The following FECH variants were observed in gnomAD, a reference collection of about 807,000 sequenced individuals.
FECH encodes ferrochelatase, also known as ferrochelatase, mitochondrial.
In FECH, 40 loss-of-function variants were observed where a neutral mutation model predicts 56.9. The observed-to-expected ratio is 0.70, with a 90% confidence interval of 0.55 to 0.92. The LOEUF is 0.92. FECH is among the 40% of genes least tolerant of loss of function. The pLI is 0.00. For synonymous variants in FECH, 175 were observed against 198.6 expected (o/e 0.88, Z 1.00); for missense variants, 431 against 529.1 (o/e 0.81, Z 1.82).
chr18:57,569,930 C>T (rs1424759793), intron 4 of FECH, among the ~76,000 whole-genome samples: 1 of 151,890 alleles, frequency 6.6e-6, no homozygotes, highest in Non-Finnish European at 1.5e-5. Context: ...ACCTCCCTGG[C>T]TCAAGCGATC....
At chr18:57,577,821 G>A (rs1358613872) in intron 2 of FECH, among the ~76,000 whole-genome samples, 1 of 152,104 alleles carries the variant, frequency 6.6e-6, no homozygotes, top group East Asian at 1.9e-4. Context: ...CTGGGAGGTT[G>A]AGGCAGGAGG....
In FECH at chr18:57,573,795, A is replaced by G. The variant is rs567762379; in HGVS notation, c.195-430T>C. On this transcript the variant is annotated intron_variant, in intron 2 of 10. Transcript: ENST00000262093. ...TCATCTGGAAAACATAGCACCCACC[A>G]CCTACTCAAAATGCTGTTTTGAGAA... is the stretch of plus-strand genomic sequence containing the variant. Among the ~76,000 whole-genome samples the G allele has an allele frequency of 5.9e-5, 9 of 152,182 alleles. No homozygotes were observed. The South Asian group carries it at 1.9e-3, about 32-fold the overall frequency.
intron 1 of FECH, among the ~76,000 whole-genome samples, chr18:57,581,457 C>G (rs2051275972): frequency 6.6e-6 from 1 of 152,198 alleles, no homozygotes; most frequent in African/African-American, 2.4e-5. Flanking sequence ...GTGCCTGGTG[C>G]TATGCACATG....
rs949768792 is a variant in FECH, at chr18:57,546,364, C to T, written c.*4348G>A. 2.6e-5 allele frequency among the ~76,000 whole-genome samples: 4 copies of T among 152,184 alleles called. No individual in the cohort carries two copies. The highest frequency in any genetic ancestry group is 9.7e-5 in the African/African-American group (4 of 41,450). ...TTTGCCGCATCGACAGGAGCTCATA[C>T]GGCAGAGCCCCTAGGAATGCAGGTG... On this transcript the variant is annotated 3_prime_UTR_variant, in exon 11 of 11. Transcript: ENST00000262093.
chr18:57,556,087 C>T (rs1598983532), intron 7 of FECH, among the ~76,000 whole-genome samples: 1 of 152,104 alleles, frequency 6.6e-6, no homozygotes, highest in East Asian at 1.9e-4. Flanking sequence ...CGAGATTGCA[C>T]CAGTGCACTC....
At position 57,545,022 on chromosome 18, in the gene FECH, C is replaced by A. The variant is rs1257404593; in HGVS notation, c.*5690G>T. Reference sequence around the variant, plus strand: ...GAAAAGGTAAAAATACAGAATACTACATGGATTATCAAGGTTAAATCTATT... The same window carrying A: ...GAAAAGGTAAAAATACAGAATACTAAATGGATTATCAAGGTTAAATCTATT... On this transcript the variant is annotated 3_prime_UTR_variant, in exon 11 of 11. Coordinates refer to ENST00000262093, the MANE Select transcript of FECH (RefSeq NM_000140.5). Among the ~76,000 whole-genome samples the A allele has an allele frequency of 6.6e-6, 1 of 152,088 alleles. No individual in the cohort carries two copies. Among genetic ancestry groups the A allele is most frequent in the East Asian group, 1.9e-4 (1 of 5,192 alleles).
intron 5 of FECH, among the ~76,000 whole-genome samples, chr18:57,563,319 C>T (rs556463605): frequency 2.6e-4 from 39 of 152,218 alleles, no homozygotes; most frequent in South Asian, 1.2e-3. Flanking sequence ...CGGTGGCTCA[C>T]GCCTGTAATC....
intron 4 of FECH, among the ~76,000 whole-genome samples, chr18:57,566,815 A>G (rs1598996816): frequency 6.6e-6 from 1 of 152,284 alleles, no homozygotes; most frequent in African/African-American, 2.4e-5. Flanking sequence ...CCTTTACTGC[A>G]CAGTGGTTTT....
intron 7 of FECH, among the ~76,000 whole-genome samples, chr18:57,555,987 G>C (rs2050862396): frequency 6.6e-6 from 1 of 152,158 alleles, no homozygotes; most frequent in Non-Finnish European, 1.5e-5. Context: ...AAATGAGCCT[G>C]GTGTGGTGGC....
intron 1 of FECH, among the ~76,000 whole-genome samples, chr18:57,582,680 G>A (rs975949330): frequency 6.6e-5 from 10 of 151,570 alleles, no homozygotes; most frequent in African/African-American, 1.9e-4. Flanking sequence ...TTGGGAGGCC[G>A]AGGCGGGTGG....
chr18:57,568,011 C>G (rs1316063488), intron 4 of FECH: 2 of 152,224 alleles, frequency 1.3e-5, no homozygotes, highest in Admixed American at 1.3e-4. Flanking sequence ...ATCCCATAAG[C>G]AAACTCCAAA....
chr18:57,571,803 A>G lies in FECH; in HGVS notation c.315-263T>C, dbSNP rs533578557. On this transcript the variant is annotated intron_variant, in intron 3 of 10. Coordinates refer to ENST00000262093, the MANE Select transcript of FECH (RefSeq NM_000140.5). ...CACACCTGAAGATTCAGGACACACA[A>G]CACCCATGCAGAGAAACCTGGATGT... Among the ~76,000 whole-genome samples, 13 of 152,282 alleles carry G rather than the reference A, an allele frequency of 8.5e-5. 1 individual carries two copies. The highest frequency in any genetic ancestry group is 8.5e-4 in the Admixed American group (13 of 15,298).
chr18:57,558,307 A>G (rs2050894135), intron 7 of FECH, among the ~76,000 whole-genome samples: 1 of 152,252 alleles, frequency 6.6e-6, no homozygotes, highest in Non-Finnish European at 1.5e-5. Flanking sequence ...CCAACAATAC[A>G]ACAGCTATGG....
Position 57,573,274 on chromosome 18 carries a change from G to C in FECH, c.286C>G (p.Arg96Gly), listed in dbSNP as rs984041251. Residue 96 changes from arginine (R) to glycine (G), a missense_variant, in exon 3 of 11, where the codon CGA (arginine) becomes GGA (glycine). Physicochemically the swap from Arg to Gly is moderately radical, Grantham distance 125. Coordinates refer to ENST00000262093, the MANE Select transcript of FECH (RefSeq NM_000140.5). ...HDFLLRLFLDRDLMTLPIQNK... is the reference protein window; with the variant it reads ...HDFLLRLFLDGDLMTLPIQNK... ...TGAATAGGAAGTGTCATGAGGTCTC[G>C]GTCCAAGAAGAGTCTCAGAAGGAAG... 3.1e-6 allele frequency: 5 copies of C among 1,613,614 alleles called. No homozygotes were observed. The highest frequency in any genetic ancestry group is 4.2e-6 in the Non-Finnish European group (5 of 1,179,664).
At chr18:57,573,095 T>C in intron 3 of FECH, 151 bp downstream of exon 3, 1 of 816,692 alleles carries the variant, frequency 1.2e-6, no homozygotes. Context: ...TCTGATATCA[T>C]ATCCTTCTGA....
intron 6 of FECH, among the ~76,000 whole-genome samples, chr18:57,560,480 A>G (rs753548602): frequency 3.3e-5 from 5 of 152,190 alleles, no homozygotes; most frequent in Non-Finnish European, 7.4e-5. Context: ...GAAAGACCTA[A>G]TCTCCACAAC....
At chr18:57,579,287 A>ATGTG (rs201260921) in intron 2 of FECH, among the ~76,000 whole-genome samples, 10 of 89,064 alleles carry the variant, frequency 1.1e-4, no homozygotes, top group Non-Finnish European at 2.1e-4. Flanking sequence ...GTGTGTGTAT[A>ATGTG]TATGTGTGTG....
intron 7 of FECH, 104 bp from the exon 8 acceptor site, chr18:57,555,056 C>A: frequency 1.2e-6 from 1 of 852,754 alleles, no homozygotes. Flanking sequence ...AAAGCCCTCC[C>A]TTTCTGTCTC....
intron 6 of FECH, 60 bp downstream of exon 6, chr18:57,562,814 A>G: frequency 2.3e-6 from 3 of 1,332,956 alleles, no homozygotes; most frequent in Middle Eastern, 2.1e-4. Flanking sequence ...CCCAGAAGGG[A>G]TGAGAAGCTG....
Sources: gnomAD v4.1 joint callset for allele counts (sites outside exome capture counted in the v4.1 genomes callset) on GRCh38, gnomAD v4.1.1 for gene constraint, MANE v1.5 for transcripts, NCBI Gene and HGNC (gene_info 2026-07-23, HGNC 2026-07-21) for gene names.